The following CLIC4 variants were observed in gnomAD, a reference collection of about 807,000 sequenced individuals.
The protein encoded by CLIC4 is chloride intracellular channel protein 4.
Under a neutral mutation model 24.6 loss-of-function variants are expected in CLIC4, and 13 were observed. The observed-to-expected ratio is 0.53, with a 90% CI of 0.34 to 0.84. CLIC4 has a LOEUF of 0.84. Ranked by LOEUF, CLIC4 falls within the 40% of genes least tolerant of loss-of-function variation. CLIC4 has a pLI of 0.01. For missense variants in CLIC4, 227 were observed against 301.7 expected (o/e 0.75, Z 1.83); for synonymous variants, 104 against 111.3 (o/e 0.93, Z 0.41).
chr1:24,760,885 G>T (rs1638918801), intron 1 of CLIC4, among the ~76,000 whole-genome samples: 1 of 152,044 alleles, frequency 6.6e-6, no homozygotes, highest in Non-Finnish European at 1.5e-5. Flanking sequence ...CAGTTTAACG[G>T]GGCATTCCAT....
chr1:24,800,671 C>G (rs564718958), intron 2 of CLIC4, among the ~76,000 whole-genome samples: 1 of 152,294 alleles, frequency 6.6e-6, no homozygotes, highest in African/African-American at 2.4e-5. Context: ...GTTGCCGTGT[C>G]TGTGTAGAAA....
At chr1:24,788,039 A>G (rs1195054181) in intron 1 of CLIC4, among the ~76,000 whole-genome samples, 3 of 151,754 alleles carry the variant, frequency 2.0e-5, no homozygotes, top group Non-Finnish European at 4.4e-5. Flanking sequence ...TATTTTTAGT[A>G]GAGACGGTTT....
intron 1 of CLIC4, among the ~76,000 whole-genome samples, chr1:24,745,832 C>T (rs1176189901): frequency 6.6e-6 from 1 of 151,502 alleles, no homozygotes; most frequent in Admixed American, 6.6e-5. Context: ...GGTTGGGGAC[C>T]CGGGCGGCGG....
chr1:24,751,757 G>C (rs1033324245), intron 1 of CLIC4, among the ~76,000 whole-genome samples: 1 of 152,168 alleles, frequency 6.6e-6, no homozygotes, highest in Non-Finnish European at 1.5e-5. Flanking sequence ...CCGGCTACTC[G>C]GGAGTCTGAG....
chr1:24,745,688 C>A, intron 1 of CLIC4, 63 bp downstream of exon 1: 2 of 1,404,522 alleles, frequency 1.4e-6, no homozygotes, highest in Non-Finnish European at 9.6e-7. Flanking sequence ...CTGCGGGGAG[C>A]GGCGTCCCGG....
At chr1:24,814,441 A>G (rs1007957822) in intron 3 of CLIC4, among the ~76,000 whole-genome samples, 10 of 152,252 alleles carry the variant, frequency 6.6e-5, no homozygotes, top group Non-Finnish European at 1.3e-4. Flanking sequence ...AATATGTGGT[A>G]GAAACAGATT....
rs1002035215 is a variant in CLIC4 at position 24,755,594 on chromosome 1, C to T, written c.72+9969C>T. Among the ~76,000 whole-genome samples the T allele has an allele frequency of 6.5e-4, 97 of 149,292 alleles. 1 individual carries two copies. Among genetic ancestry groups the T allele is most frequent in the Non-Finnish European group, 1.9e-4 (13 of 67,732 alleles). On this transcript the variant is annotated intron_variant, in intron 1 of 5. Coordinates refer to ENST00000374379, the MANE Select transcript of CLIC4 (RefSeq NM_013943.3). Reference sequence around the variant, plus strand: ...ACTGCACTCTGGCCTGGGTGACCGACGGAGATCCTATCTCTTAAAAAAAAA... The same window carrying T: ...ACTGCACTCTGGCCTGGGTGACCGATGGAGATCCTATCTCTTAAAAAAAAA...
At chr1:24,818,019 A>G (rs1465491302) in intron 3 of CLIC4, among the ~76,000 whole-genome samples, 1 of 152,212 alleles carries the variant, frequency 6.6e-6, no homozygotes, top group African/African-American at 2.4e-5. Flanking sequence ...CAAGAGTAAC[A>G]TCAGAGATCA....
chr1:24,781,348 T>G (rs573316866), intron 1 of CLIC4, among the ~76,000 whole-genome samples: 112 of 151,558 alleles, frequency 7.4e-4, no homozygotes, highest in African/African-American at 2.6e-3. Context: ...TTCACCATAT[T>G]GCCCAGGCTG....
intron 2 of CLIC4, among the ~76,000 whole-genome samples, chr1:24,805,987 AAAT>A (rs1287322675): frequency 2.6e-5 from 4 of 152,222 alleles, no homozygotes; most frequent in African/African-American, 9.7e-5. Flanking sequence ...ATGAGGGTAA[AAAT>A]AATACACCCC....
chr1:24,783,371 C>A (rs1202615768), intron 1 of CLIC4, among the ~76,000 whole-genome samples: 1 of 151,666 alleles, frequency 6.6e-6, no homozygotes, highest in Non-Finnish European at 1.5e-5. Flanking sequence ...TTTTTTTTCC[C>A]CTGACACGCC....
At chr1:24,770,291 C>T (rs1639055472) in intron 1 of CLIC4, among the ~76,000 whole-genome samples, 1 of 151,532 alleles carries the variant, frequency 6.6e-6, no homozygotes, top group African/African-American at 2.4e-5. Context: ...CCTTCCTCCC[C>T]CTTCAGAGGT....
chr1:24,818,710 C>T (rs1040051153), intron 3 of CLIC4, among the ~76,000 whole-genome samples: 9 of 151,310 alleles, frequency 5.9e-5, no homozygotes, highest in African/African-American at 1.9e-4. Flanking sequence ...TCAACAAGTA[C>T]AGTCATGTAT....
At chr1:24,792,829 G>T (rs1357839710) in intron 1 of CLIC4, among the ~76,000 whole-genome samples, 1 of 152,172 alleles carries the variant, frequency 6.6e-6, no homozygotes, top group Non-Finnish European at 1.5e-5. Flanking sequence ...AAGGAAAGAG[G>T]CATTTCTGTC....
At chr1:24,775,689 C>G (rs1055369953) in intron 1 of CLIC4, among the ~76,000 whole-genome samples, 1 of 151,588 alleles carries the variant, frequency 6.6e-6, no homozygotes, top group African/African-American at 2.4e-5. Flanking sequence ...TGATTTCTTT[C>G]CCTACTGAGA....
At chr1:24,763,533 C>CAAAA (rs33955013) in intron 1 of CLIC4, among the ~76,000 whole-genome samples, 57 of 78,764 alleles carry the variant, frequency 7.2e-4, no homozygotes, top group Non-Finnish European at 1.1e-3. Context: ...ACTCCGTCTC[C>CAAAA]AAAAAAAAAA....
intron 2 of CLIC4, among the ~76,000 whole-genome samples, chr1:24,805,086 C>CAAAAAAAAAA (rs757976140): frequency 2.8e-4 from 13 of 46,730 alleles, no homozygotes; most frequent in Non-Finnish European, 4.7e-4. Flanking sequence ...GACTCCATGT[C>CAAAAAAAAAA]AAAAAAAAAA....
At chr1:24,829,418 TA>T (rs1436104651) in intron 4 of CLIC4, among the ~76,000 whole-genome samples, 2 of 152,208 alleles carry the variant, frequency 1.3e-5, no homozygotes, top group African/African-American at 2.4e-5. Flanking sequence ...ATTCTTTTGA[TA>T]ACACGTTCAA....
intron 3 of CLIC4, among the ~76,000 whole-genome samples, chr1:24,820,116 C>CG (rs1457932409): frequency 6.7e-4 from 79 of 118,564 alleles, no homozygotes; most frequent in African/African-American, 2.1e-3. Context: ...CTTGTACTGT[C>CG]GCCCAGGCTG....
Sources: allele counts gnomAD v4.1 joint callset (sites outside exome capture counted in the v4.1 genomes callset), GRCh38; gene constraint gnomAD v4.1.1; transcripts MANE v1.5; gene names NCBI Gene and HGNC (gene_info 2026-07-23, HGNC 2026-07-21).